UHRF2: variants seen among roughly 807,000 people sequenced by gnomAD.
UHRF2 encodes the protein ubiquitin like with PHD and ring finger domains 2, also known as E3 ubiquitin-protein ligase UHRF2.
UHRF2 carries 23 observed loss-of-function variants against 96.8 expected under a neutral mutation model. The observed-to-expected ratio is 0.24, with a 90% CI of 0.17 to 0.34. UHRF2 has a LOEUF of 0.34. UHRF2 is among the 10% of genes least tolerant of loss of function. The pLI, the probability that UHRF2 is intolerant of heterozygous loss-of-function variation, is 1.00. For synonymous variants in UHRF2, 385 were observed against 332.6 expected, an observed-to-expected ratio of 1.16 and a Z score of -1.72; for missense variants, 685 against 981.5, an observed-to-expected ratio of 0.70 and a Z score of 4.04.
At chr9:6,476,793 C>T (rs1478890289) in intron 5 of UHRF2, among the ~76,000 whole-genome samples, 1 of 152,176 alleles carries the variant, frequency 6.6e-6, no homozygotes, top group East Asian at 1.9e-4. Flanking sequence ...CGGGGTTTCA[C>T]TGTGTTGGCC....
At chr9:6,471,854 G>C (rs1049269858) in intron 4 of UHRF2, among the ~76,000 whole-genome samples, 24 of 152,122 alleles carry the variant, frequency 1.6e-4, no homozygotes, top group African/African-American at 4.1e-4. Flanking sequence ...GGTGGGAATA[G>C]GTTCCAAACT....
chr9:6,450,999 TC>T (rs1821824618), intron 3 of UHRF2, among the ~76,000 whole-genome samples: 1 of 152,214 alleles, frequency 6.6e-6, no homozygotes, highest in Non-Finnish European at 1.5e-5. Flanking sequence ...TATTGATAGT[TC>T]CAATTAAATT....
chr9:6,484,475 C>T (rs1824137488), intron 8 of UHRF2: 1 of 146,392 alleles, frequency 6.8e-6, no homozygotes, highest in Non-Finnish European at 1.5e-5. Flanking sequence ...GGATGCAGTG[C>T]CATAATCACA....
At chr9:6,448,666 A>G (rs1171262264) in intron 3 of UHRF2, among the ~76,000 whole-genome samples, 1 of 152,224 alleles carries the variant, frequency 6.6e-6, no homozygotes, top group Non-Finnish European at 1.5e-5. Context: ...GTTAAGAGTA[A>G]CAGTTTAACA....
intron 14 of UHRF2, chr9:6,504,274 C>CGTA: frequency 2.4e-5 from 4 of 164,218 alleles, no homozygotes; most frequent in South Asian, 1.4e-4. Context: ...ATCCGCCTGC[C>CGTA]TCGGCCTCCC....
chr9:6,468,525 C>T (rs1045542946), intron 4 of UHRF2: 17 of 455,904 alleles, frequency 3.7e-5, no homozygotes, highest in African/African-American at 3.4e-4. Context: ...TGTTTTGCCC[C>T]TAGGGAATCT....
At chr9:6,450,583 C>G (rs747795444) in intron 3 of UHRF2, among the ~76,000 whole-genome samples, 1 of 152,172 alleles carries the variant, frequency 6.6e-6, no homozygotes, top group Non-Finnish European at 1.5e-5. Flanking sequence ...CTGATACACT[C>G]AAAATTTGTT....
chr9:6,417,319 TG>T (rs1819665257), intron 1 of UHRF2, among the ~76,000 whole-genome samples: 1 of 152,218 alleles, frequency 6.6e-6, no homozygotes, highest in Non-Finnish European at 1.5e-5. Flanking sequence ...TTGTAAATAC[TG>T]CATCTCCATC....
chr9:6,474,354 T>C (rs1823433010), intron 4 of UHRF2, among the ~76,000 whole-genome samples: 1 of 152,188 alleles, frequency 6.6e-6, no homozygotes, highest in Non-Finnish European at 1.5e-5. Flanking sequence ...AGATAAGATA[T>C]TCAGTAAGAT....
intron 3 of UHRF2, among the ~76,000 whole-genome samples, chr9:6,457,069 A>G (rs1335887430): frequency 6.6e-6 from 1 of 152,126 alleles, no homozygotes; most frequent in Non-Finnish European, 1.5e-5. Flanking sequence ...TTTGATGGGG[A>G]CAGCATTGAA....
intron 4 of UHRF2, 107 bp from the exon 5 acceptor site, chr9:6,475,284 T>A: frequency 1.7e-6 from 1 of 586,002 alleles, no homozygotes; most frequent in Non-Finnish European, 2.8e-6. Context: ...AATCTCAATT[T>A]ATAAATAGAC....
chr9:6,482,817 C>T (rs1033485715), intron 8 of UHRF2, among the ~76,000 whole-genome samples: 37 of 152,192 alleles, frequency 2.4e-4, no homozygotes, highest in African/African-American at 8.4e-4. Flanking sequence ...AGGATGGTCT[C>T]GATCTCCTAA....
chr9:6,473,008 C>G (rs1823342800), intron 4 of UHRF2, among the ~76,000 whole-genome samples: 1 of 152,128 alleles, frequency 6.6e-6, no homozygotes, highest in African/African-American at 2.4e-5. Context: ...GTATAGGGTA[C>G]AAACAGTAAT....
At chr9:6,487,961 C>T (rs182866542) in intron 9 of UHRF2, among the ~76,000 whole-genome samples, 2 of 152,086 alleles carry the variant, frequency 1.3e-5, no homozygotes, top group Admixed American at 1.3e-4. Context: ...ATACAGAGGG[C>T]CGAATCCAGT....
At chr9:6,459,309 C>G (rs1822378733) in intron 3 of UHRF2, among the ~76,000 whole-genome samples, 1 of 152,124 alleles carries the variant, frequency 6.6e-6, no homozygotes, top group South Asian at 2.1e-4. Context: ...ATAAGTACTG[C>G]AAAATGGCAG....
intron 1 of UHRF2, 36 bp downstream of exon 1, chr9:6,413,679 G>T: frequency 6.6e-7 from 1 of 1,524,844 alleles, no homozygotes; most frequent in Non-Finnish European, 8.8e-7. Flanking sequence ...GCGAGGCTGG[G>T]GGCCGGAACA....
chr9:6,473,381 C>CTA (rs1461791685), intron 4 of UHRF2, among the ~76,000 whole-genome samples: 2 of 152,114 alleles, frequency 1.3e-5, no homozygotes, highest in South Asian at 2.1e-4. Flanking sequence ...GTTATATGAG[C>CTA]TATACTACTG....
intron 10 of UHRF2, 34 bp from the exon 11 acceptor site, chr9:6,497,164 T>C (rs370376269): frequency 1.9e-6 from 3 of 1,593,504 alleles, no homozygotes; most frequent in Non-Finnish European, 2.6e-6. Flanking sequence ...GAAGAAAAAT[T>C]ACATGGTATA....
chr9:6,504,552 A>G, intron 14 of UHRF2, 41 bp from the exon 15 acceptor site: 2 of 1,404,660 alleles, frequency 1.4e-6, no homozygotes, highest in Non-Finnish European at 1.0e-6. Flanking sequence ...CATATTATGA[A>G]CTGCTAACTT....
Sources: allele counts gnomAD v4.1 joint callset (sites outside exome capture counted in the v4.1 genomes callset), GRCh38; gene constraint gnomAD v4.1.1; transcripts MANE v1.5; gene names NCBI Gene and HGNC (gene_info 2026-07-23, HGNC 2026-07-21).